The following BAZ2B variants were observed in gnomAD, a reference collection of about 807,000 sequenced individuals.
The protein encoded by BAZ2B is bromodomain adjacent to zinc finger domain 2B.
A neutral mutation model predicts 246.0 loss-of-function variants in BAZ2B; 91 were observed. That is an observed-to-expected ratio of 0.37 (90% CI 0.31 to 0.44). The LOEUF is 0.44. BAZ2B is among the 20% of genes least tolerant of loss of function. The pLI, the probability that BAZ2B is intolerant of heterozygous loss-of-function variation, is 1.00. For synonymous variants in BAZ2B, 855 were observed against 860.0 expected (o/e 0.99, Z 0.10); for missense variants, 2,332 against 2,533.7 (o/e 0.92, Z 1.71).
chr2:159,704,395 G>A, the BAZ2B span, among the ~76,000 whole-genome samples: 1 of 151,792 alleles, frequency 6.6e-6, no homozygotes, highest in Admixed American at 6.6e-5. Flanking sequence ...TGCAAAATCA[G>A]TTAGGTATAT....
At chr2:159,663,774 C>T in the BAZ2B span, among the ~76,000 whole-genome samples, 2 of 151,470 alleles carry the variant, frequency 1.3e-5, no homozygotes, top group African/African-American at 2.4e-5. Context: ...GCCTTGGCCT[C>T]CAAAAATGCT....
intron 16 of BAZ2B, among the ~76,000 whole-genome samples, chr2:159,401,351 A>G (rs978958500): frequency 1.3e-5 from 2 of 152,336 alleles, no homozygotes; most frequent in South Asian, 4.1e-4. Flanking sequence ...TCTGGATTAC[A>G]GTCATTTATT....
the BAZ2B span, among the ~76,000 whole-genome samples, chr2:159,664,968 A>C: frequency 6.6e-6 from 1 of 151,346 alleles, no homozygotes; most frequent in Non-Finnish European, 1.5e-5. Flanking sequence ...TCTCAGCCCA[A>C]AATCTCCTTA....
intron 2 of BAZ2B, among the ~76,000 whole-genome samples, chr2:159,522,142 A>C (rs570609437): frequency 6.6e-6 from 1 of 152,204 alleles, no homozygotes; most frequent in Non-Finnish European, 1.5e-5. Flanking sequence ...AAAAATAAGT[A>C]ATACTGGGAA....
intron 2 of BAZ2B, among the ~76,000 whole-genome samples, chr2:159,517,649 A>G (rs1010693774): frequency 6.6e-6 from 1 of 152,172 alleles, no homozygotes; most frequent in African/African-American, 2.4e-5. Flanking sequence ...GTTTGTATTT[A>G]TTCATTTTGC....
intron 4 of BAZ2B, among the ~76,000 whole-genome samples, chr2:159,450,400 A>G (rs1320614390): frequency 6.6e-6 from 1 of 151,880 alleles, no homozygotes; most frequent in Non-Finnish European, 1.5e-5. Context: ...AAAAGTAAAG[A>G]AGCACACAGT....
chr2:159,706,603 T>C, the BAZ2B span, among the ~76,000 whole-genome samples: 1 of 152,218 alleles, frequency 6.6e-6, no homozygotes, highest in Non-Finnish European at 1.5e-5. Flanking sequence ...GGAACAATGA[T>C]TGCTAGTTCA....
the BAZ2B span, among the ~76,000 whole-genome samples, chr2:159,671,834 C>G: frequency 2.6e-5 from 4 of 152,176 alleles, no homozygotes; most frequent in East Asian, 7.7e-4. Flanking sequence ...ATCATATCAA[C>G]AAATTCCTTT....
chr2:159,546,948 G>C (rs1241452762), intron 2 of BAZ2B, among the ~76,000 whole-genome samples: 1 of 152,082 alleles, frequency 6.6e-6, no homozygotes, highest in African/African-American at 2.4e-5. Context: ...TGTGACATTT[G>C]AGTTTAGTGC....
intron 33 of BAZ2B, among the ~76,000 whole-genome samples, chr2:159,335,661 T>C (rs1447942447): frequency 1.3e-5 from 2 of 151,884 alleles, no homozygotes; most frequent in Non-Finnish European, 2.9e-5. Flanking sequence ...TGAAAAACCA[T>C]AGAAGAAACG....
At chr2:159,515,466 GGT>G (rs1211013253) in intron 2 of BAZ2B, among the ~76,000 whole-genome samples, 2 of 152,004 alleles carry the variant, frequency 1.3e-5, no homozygotes, top group Non-Finnish European at 2.9e-5. Context: ...CCAATGTAAT[GGT>G]GTTTCTTTTA....
At chr2:159,507,495 A>G (rs980909590) in intron 2 of BAZ2B, among the ~76,000 whole-genome samples, 3 of 152,212 alleles carry the variant, frequency 2.0e-5, no homozygotes, top group African/African-American at 7.2e-5. Context: ...ATTTCATTTG[A>G]ATTTCACATA....
chr2:159,641,145 ACT>A, the BAZ2B span, among the ~76,000 whole-genome samples: 1 of 152,188 alleles, frequency 6.6e-6, no homozygotes, highest in South Asian at 2.1e-4. Context: ...TTATAGCCAC[ACT>A]GTCTTCCACA....
At chr2:159,655,591 AT>A in the BAZ2B span, among the ~76,000 whole-genome samples, 405 of 151,850 alleles carry the variant, frequency 2.7e-3, 2 homozygotes, top group African/African-American at 9.2e-3. Context: ...TTCTTCAATT[AT>A]TTTTTCTCCC....
chr2:159,432,103 A>C (rs1160551280), intron 9 of BAZ2B, among the ~76,000 whole-genome samples: 2 of 152,174 alleles, frequency 1.3e-5, no homozygotes, highest in African/African-American at 4.8e-5. Flanking sequence ...AATTAGTTGA[A>C]TCTGTAGTTG....
chr2:159,496,798 A>G (rs2081218627), intron 2 of BAZ2B, among the ~76,000 whole-genome samples: 1 of 150,730 alleles, frequency 6.6e-6, no homozygotes, highest in African/African-American at 2.4e-5. Context: ...AAAAAAAAAA[A>G]AAAAAAAAAA....
intron 27 of BAZ2B, among the ~76,000 whole-genome samples, chr2:159,368,614 T>C (rs2060472614): frequency 6.6e-6 from 1 of 152,186 alleles, no homozygotes; most frequent in South Asian, 2.1e-4. Context: ...TTATCCCTAC[T>C]TCCCCCTGCT....
At chr2:159,367,901 A>G (rs1481086351) in intron 27 of BAZ2B, among the ~76,000 whole-genome samples, 2 of 152,098 alleles carry the variant, frequency 1.3e-5, no homozygotes, top group Admixed American at 1.3e-4. Flanking sequence ...AAAAAAAGTA[A>G]TAAATAAGAT....
chr2:159,387,338 G>A lies in BAZ2B; in HGVS notation c.3217-731C>T, dbSNP rs529801144. ...TTTTAATGACTTAATTGCAGTACCA[G>A]TTGTCATCAACATTTTAAAATTTCA... is the stretch of plus-strand genomic sequence containing the variant. On this transcript the variant is annotated intron_variant, in intron 21 of 36. Coordinates refer to ENST00000392783, the MANE Select transcript of BAZ2B (RefSeq NM_013450.4). Among the ~76,000 whole-genome samples, 9 of 152,202 alleles carry A rather than the reference G, an allele frequency of 5.9e-5. No individual in the cohort carries two copies. In the South Asian group the frequency reaches 1.9e-3, roughly 32 times the overall value.
Sources: allele counts gnomAD v4.1 joint callset (sites outside exome capture counted in the v4.1 genomes callset), GRCh38; gene constraint gnomAD v4.1.1; transcripts MANE v1.5; gene names NCBI Gene and HGNC (gene_info 2026-07-23, HGNC 2026-07-21).